Variants in FAM20B observed in about 807,000 individuals in gnomAD.
FAM20B encodes FAM20B glycosaminoglycan xylosylkinase, also known as glycosaminoglycan xylosylkinase.
A neutral mutation model predicts 43.8 loss-of-function variants in FAM20B; 23 were observed. That is an observed-to-expected ratio of 0.53 (90% CI 0.38 to 0.74). The LOEUF is 0.74. FAM20B is among the 30% of genes least tolerant of loss of function. The pLI, the probability that FAM20B is intolerant of heterozygous loss-of-function variation, is 0.00. For synonymous variants in FAM20B, 178 were observed against 192.4 expected (o/e 0.93, Z 0.62); for missense variants, 440 against 510.5 (o/e 0.86, Z 1.33).
intron 1 of FAM20B, among the ~76,000 whole-genome samples, chr1:179,040,531 C>G (rs183123509): frequency 5.0e-5 from 6 of 119,128 alleles, no homozygotes; most frequent in Non-Finnish European, 6.9e-5. Flanking sequence ...GCTGGCCGGG[C>G]GGGGGGCTGA....
intron 2 of FAM20B, among the ~76,000 whole-genome samples, chr1:179,047,225 C>T (rs973734000): frequency 6.6e-6 from 1 of 152,262 alleles, no homozygotes; most frequent in East Asian, 1.9e-4. Context: ...ACCTTAGTCA[C>T]TTCTTGCTTC....
intron 2 of FAM20B, among the ~76,000 whole-genome samples, chr1:179,047,281 C>A (rs1454124357): frequency 1.3e-5 from 2 of 152,154 alleles, no homozygotes; most frequent in East Asian, 3.8e-4. Context: ...TTACCTCCCT[C>A]CTCCAGACCA....
intron 4 of FAM20B, among the ~76,000 whole-genome samples, chr1:179,059,570 G>A (rs1229158325): frequency 6.6e-6 from 1 of 152,082 alleles, no homozygotes; most frequent in Non-Finnish European, 1.5e-5. Context: ...TCAAGAGTTT[G>A]GATTGTATCC....
At position 179,044,090 on chromosome 1, in the gene FAM20B, A is replaced by G; in HGVS notation, c.243A>G (p.Thr81=). 3 of 1,614,146 alleles carry G rather than the reference A, an allele frequency of 1.9e-6. No homozygotes were observed. The highest frequency in any genetic ancestry group is 2.5e-6 in the Non-Finnish European group (3 of 1,180,034). ...VVPREVYPEE[T]PELGAVMHAM... ...CCCGGGAAGTGTACCCTGAAGAGAC[A>G]CCAGAGCTGGGGGCAGTCATGCATG... The change falls in exon 2 of 8, where the codon ACA becomes ACG. Residue 81 remains threonine (T), a synonymous_variant. Coordinates refer to ENST00000263733, the MANE Select transcript of FAM20B (RefSeq NM_014864.4).
At chr1:179,052,115 A>G (rs1037520215) in intron 3 of FAM20B, among the ~76,000 whole-genome samples, 2 of 152,358 alleles carry the variant, frequency 1.3e-5, no homozygotes, top group African/African-American at 4.8e-5. Context: ...TTAAAAGCAA[A>G]CAACAAACGG....
At chr1:179,036,835 A>G (rs7544801) in intron 1 of FAM20B, among the ~76,000 whole-genome samples, 118,600 of 152,220 alleles carry the variant, frequency 0.78, 47,095 homozygotes, top group African/African-American at 0.93. Context: ...TTAAGAGTGT[A>G]AGGAGGGACG....
chr1:179,071,505 C>T (rs1365279388), intron 7 of FAM20B, among the ~76,000 whole-genome samples: 1 of 152,070 alleles, frequency 6.6e-6, no homozygotes, highest in Non-Finnish European at 1.5e-5. Context: ...GTTTTTCCTC[C>T]AACCTCTTCC....
At chr1:179,035,457 C>T in intron 1 of FAM20B, 1 of 706,946 alleles carries the variant, frequency 1.4e-6, no homozygotes, top group Non-Finnish European at 2.6e-6. Context: ...TCACAAACAG[C>T]TTGGGAAGCA....
At chr1:179,024,685 CA>C (rs964539972), upstream of FAM20B, among the ~76,000 whole-genome samples, 1 of 152,236 alleles carries the variant, frequency 6.6e-6, no homozygotes, top group African/African-American at 2.4e-5. Flanking sequence ...TCCCTAACTA[CA>C]TTGTCCGGAG....
chr1:179,022,730 C>T (rs1649627278), upstream of FAM20B, among the ~76,000 whole-genome samples: 1 of 152,170 alleles, frequency 6.6e-6, no homozygotes, highest in Non-Finnish European at 1.5e-5. Flanking sequence ...TACCATGGGC[C>T]ATGTGCAGTG....
At chr1:179,065,120 C>T (rs1651634688) in intron 6 of FAM20B, among the ~76,000 whole-genome samples, 1 of 151,134 alleles carries the variant, frequency 6.6e-6, no homozygotes, top group Non-Finnish European at 1.5e-5. Context: ...ATTCTGCATT[C>T]TCTGTGGTGG....
chr1:179,072,980 T>C lies in FAM20B; in HGVS notation c.*836T>C, dbSNP rs1230400462. The C allele has an allele frequency of 6.6e-6, 1 of 152,244 alleles. No homozygotes were observed. The highest frequency in any genetic ancestry group is 1.5e-5 in the Non-Finnish European group (1 of 68,040). The allele number at this position is 152,244 out of a possible 1,614,324, so 9.4% of individuals were successfully genotyped here. On this transcript the variant is annotated 3_prime_UTR_variant, in exon 8 of 8. Transcript: ENST00000263733. ...CTATTACAATCTAAGCATGATTCTC[T>C]GTGGAGACTAATTTTTTCCCCTTTT...
At chr1:179,051,080 C>T (rs1016335438) in intron 3 of FAM20B, among the ~76,000 whole-genome samples, 1 of 151,108 alleles carries the variant, frequency 6.6e-6, no homozygotes, top group Non-Finnish European at 1.5e-5. Context: ...CGAGATCGTG[C>T]CACTGCACTC....
chr1:179,031,150 G>A (rs1300594674), intron 1 of FAM20B, among the ~76,000 whole-genome samples: 2 of 152,202 alleles, frequency 1.3e-5, no homozygotes, highest in Non-Finnish European at 2.9e-5. Flanking sequence ...CATATGAAAA[G>A]CTGAAGGAAA....
chr1:179,060,029 C>A (rs2102516764), intron 4 of FAM20B, among the ~76,000 whole-genome samples: 1 of 151,134 alleles, frequency 6.6e-6, no homozygotes, highest in South Asian at 2.1e-4. Context: ...CTGTCTAGTT[C>A]CTTCCCCTTT....
chr1:179,055,243 C>T, intron 4 of FAM20B, among the ~76,000 whole-genome samples: 1 of 152,172 alleles, frequency 6.6e-6, no homozygotes, highest in East Asian at 1.9e-4. Flanking sequence ...AAAATTCTCA[C>T]TCCTGTTGTT....
rs1359086210 is a variant in FAM20B, at chr1:179,072,671, T to C, written c.*527T>C. Reference sequence around the variant, plus strand: ...AAATAGCACACTCTGTTAGAGGAGATACATGTTTAAGATAGAATTGGAGGG... The same window carrying C: ...AAATAGCACACTCTGTTAGAGGAGACACATGTTTAAGATAGAATTGGAGGG... On this transcript the variant is annotated 3_prime_UTR_variant, in exon 8 of 8. Coordinates refer to ENST00000263733, the MANE Select transcript of FAM20B (RefSeq NM_014864.4). The C allele has an allele frequency of 6.5e-6, 1 of 153,198 alleles. No individual in the cohort carries two copies. Among genetic ancestry groups the C allele is most frequent in the Non-Finnish European group, 1.5e-5 (1 of 68,810 alleles). 9.5% of individuals were successfully genotyped at this position (153,198 alleles called of 1,614,324 possible).
intron 3 of FAM20B, among the ~76,000 whole-genome samples, chr1:179,052,097 G>A (rs6425515): frequency 0.68 from 103,811 of 152,114 alleles, 35,608 homozygotes; most frequent in African/African-American, 0.7. Context: ...TATAGCAAGA[G>A]ACAAAATTTA....
At chr1:179,044,370 C>A in intron 2 of FAM20B, 146 bp downstream of exon 2, 2 of 864,690 alleles carry the variant, frequency 2.3e-6, no homozygotes, top group Non-Finnish European at 3.5e-6. Context: ...TCTTTTCTAG[C>A]ACTTAACATG....
Sources: gnomAD v4.1 joint callset for allele counts (sites outside exome capture counted in the v4.1 genomes callset) on GRCh38, gnomAD v4.1.1 for gene constraint, MANE v1.5 for transcripts, NCBI Gene and HGNC (gene_info 2026-07-23, HGNC 2026-07-21) for gene names.